The following SHANK2 variants were observed in gnomAD, a reference collection of about 807,000 sequenced individuals.
The protein encoded by SHANK2 is SH3 and multiple ankyrin repeat domains protein 2.
In SHANK2, 43 loss-of-function variants were observed where a neutral mutation model predicts 133.7. The observed-to-expected ratio is 0.32, with a 90% CI of 0.25 to 0.41. The LOEUF (loss-of-function observed/expected upper bound fraction) is 0.41. Ranked by LOEUF, SHANK2 falls within the 10% of genes least tolerant of loss-of-function variation. SHANK2 has a pLI of 1.00. For missense variants in SHANK2, 1,994 were observed against 2,235.8 expected, an observed-to-expected ratio of 0.89 and a Z score of 2.18; for synonymous variants, 1,017 against 952.8, an observed-to-expected ratio of 1.07 and a Z score of -1.24.
In SHANK2 at chr11:70,915,203, C is replaced by T. The variant is rs145905318; in HGVS notation, c.1108-18636G>A. Among the ~76,000 whole-genome samples, 1,237 of 152,264 alleles carry T rather than the reference C, an allele frequency of 8.1e-3. 5 individuals are homozygous for T. Among genetic ancestry groups the T allele is most frequent in the Middle Eastern group, 0.027 (8 of 294 alleles). On this transcript the variant is annotated intron_variant, in intron 10 of 25. Coordinates refer to ENST00000601538, the MANE Select transcript of SHANK2 (RefSeq NM_012309.5). ...AAAATACGGATGCCTTCTTTAAACA[C>T]AGACGTTGGGCCCTCGGAGACACTT...
intron 11 of SHANK2, among the ~76,000 whole-genome samples, chr11:70,845,490 G>A (rs920199885): frequency 6.6e-6 from 1 of 152,114 alleles, no homozygotes; most frequent in Non-Finnish European, 1.5e-5. Context: ...CCAATGGAAT[G>A]TGCTTATTGG....
At position 70,738,333 on chromosome 11, in the gene SHANK2, C is replaced by G. The variant is rs1265997995; in HGVS notation, c.1778-39570G>C. Among the ~76,000 whole-genome samples, 5 of 152,258 alleles carry G rather than the reference C, an allele frequency of 3.3e-5. No individual in the cohort carries two copies. In the East Asian group the frequency reaches 9.6e-4, roughly 29 times the overall value. On this transcript the variant is annotated intron_variant, in intron 14 of 25. Transcript: ENST00000601538. Reference sequence around the variant, plus strand: ...TGCAGGGAAAGGCGCTCCCCTCTGTCTTCTGTGCACCAACCCCAACCATAA... The same window carrying G: ...TGCAGGGAAAGGCGCTCCCCTCTGTGTTCTGTGCACCAACCCCAACCATAA...
At chr11:71,059,342 G>A (rs1174428470) in intron 9 of SHANK2, among the ~76,000 whole-genome samples, 1 of 152,216 alleles carries the variant, frequency 6.6e-6, no homozygotes, top group Admixed American at 6.5e-5. Flanking sequence ...AAGGTTGACG[G>A]TTGTGATGGT....
At chr11:70,636,276 T>C (rs1429012427) in intron 17 of SHANK2, among the ~76,000 whole-genome samples, 2 of 152,176 alleles carry the variant, frequency 1.3e-5, no homozygotes, top group Non-Finnish European at 2.9e-5. Flanking sequence ...CATGCATGTG[T>C]GTGTACATGT....
chr11:70,739,980 C>T lies in SHANK2; in HGVS notation c.1778-41217G>A, dbSNP rs116616280. ...GCTTGGCTCCTTCGCCATCAGGAGACCTTGGACAGTCACACGACCCAGACC... is the reference window on the plus strand; with the variant it reads ...GCTTGGCTCCTTCGCCATCAGGAGATCTTGGACAGTCACACGACCCAGACC... On this transcript the variant is annotated intron_variant, in intron 14 of 25. Coordinates refer to ENST00000601538, the MANE Select transcript of SHANK2 (RefSeq NM_012309.5). The surrounding 1 kb of genome is among the most constrained non-coding windows in gnomAD (Gnocchi z 4.3). Among the ~76,000 whole-genome samples the T allele has an allele frequency of 6.6e-6, 1 of 152,242 alleles. No individual in the cohort carries two copies. Among genetic ancestry groups the T allele is most frequent in the Non-Finnish European group, 1.5e-5 (1 of 68,054 alleles).
At chr11:70,945,881 C>T (rs1251791969) in intron 10 of SHANK2, among the ~76,000 whole-genome samples, 2 of 152,186 alleles carry the variant, frequency 1.3e-5, no homozygotes, top group Admixed American at 6.5e-5. Context: ...TGGGAATGAA[C>T]GTGACCTCAA....
chr11:70,501,465 C>T (rs1461517144), intron 20 of SHANK2, among the ~76,000 whole-genome samples: 1 of 152,236 alleles, frequency 6.6e-6, no homozygotes, highest in Non-Finnish European at 1.5e-5. Context: ...CCCATGTAAG[C>T]TGCCTTCACC....
chr11:70,612,695 T>C (rs1463694086), intron 17 of SHANK2, among the ~76,000 whole-genome samples: 2 of 152,242 alleles, frequency 1.3e-5, no homozygotes, highest in Non-Finnish European at 2.9e-5. Flanking sequence ...GCGCGTGCAA[T>C]TCCCGCGCTC....
At chr11:71,060,507 C>T (rs1290292153) in intron 9 of SHANK2, among the ~76,000 whole-genome samples, 5 of 152,364 alleles carry the variant, frequency 3.3e-5, no homozygotes, top group African/African-American at 4.8e-5. Flanking sequence ...GTCCCTGGAA[C>T]GTGTCCTCAG....
At chr11:70,678,532 C>CATT (rs1491534302) in intron 15 of SHANK2, among the ~76,000 whole-genome samples, 11 of 77,042 alleles carry the variant, frequency 1.4e-4, no homozygotes, top group African/African-American at 5.4e-4. Context: ...TAAGAACAGG[C>CATT]TTTTTTTTTT....
intron 2 of SHANK2, among the ~76,000 whole-genome samples, chr11:71,220,719 G>A (rs550399154): frequency 1.5e-4 from 23 of 152,306 alleles, no homozygotes; most frequent in African/African-American, 5.1e-4. Flanking sequence ...TTCCTAGAGT[G>A]GGGAAATCCA....
At chr11:71,223,929 C>T (rs1440768171) in intron 2 of SHANK2, among the ~76,000 whole-genome samples, 1 of 152,118 alleles carries the variant, frequency 6.6e-6, no homozygotes, top group Admixed American at 6.5e-5. Flanking sequence ...AAATTGCCCA[C>T]AGGGCTCTGG....
At chr11:71,151,137 C>T (rs1266534136) in intron 2 of SHANK2, among the ~76,000 whole-genome samples, 1 of 152,152 alleles carries the variant, frequency 6.6e-6, no homozygotes, top group Non-Finnish European at 1.5e-5. Flanking sequence ...TGAGGCTCAC[C>T]CTGCACTCAG....
intron 17 of SHANK2, among the ~76,000 whole-genome samples, chr11:70,648,798 G>A (rs922326499): frequency 5.3e-5 from 8 of 152,186 alleles, no homozygotes; most frequent in Non-Finnish European, 5.9e-5. Context: ...CAAGACGGAA[G>A]TTCTATCCTG....
chr11:71,098,756 C>G (rs1393701984), intron 6 of SHANK2, among the ~76,000 whole-genome samples: 2 of 152,180 alleles, frequency 1.3e-5, no homozygotes, highest in East Asian at 1.9e-4. Context: ...AGGGGCCGAT[C>G]TTGCAATGCA....
intron 14 of SHANK2, among the ~76,000 whole-genome samples, chr11:70,744,864 C>T (rs782390727): frequency 2.8e-4 from 42 of 152,310 alleles, no homozygotes; most frequent in Non-Finnish European, 5.3e-4. Context: ...ACCTCTTGAG[C>T]GATAAGCACT....
In SHANK2 at chr11:70,486,495, C is replaced by T. The variant is rs1163675067; in HGVS notation, c.3798G>A (p.Arg1266=). The change falls in exon 25 of 26, where the codon AGG becomes AGA. Residue 1266 remains arginine (R), a synonymous_variant. Coordinates refer to ENST00000601538, the MANE Select transcript of SHANK2 (RefSeq NM_012309.5). The surrounding 1 kb of genome is among the most constrained non-coding windows in gnomAD (Gnocchi z 8.0). ...SLDAGFPTVT[R]QNTRGPLRRQ... ...GCCTCAGGGGTCCCCGGGTGTTCTG[C>T]CTGGTGACCGTAGGGAAGCCGGCAT... 2 of 1,614,110 alleles carry T rather than the reference C, an allele frequency of 1.2e-6. No individual in the cohort carries two copies. Among genetic ancestry groups the T allele is most frequent in the East Asian group, 2.2e-5 (1 of 44,866 alleles).
intron 11 of SHANK2, among the ~76,000 whole-genome samples, chr11:70,886,812 C>T (rs1949753886): frequency 6.6e-6 from 1 of 152,130 alleles, no homozygotes. Context: ...TACAGGCACC[C>T]GGTCTTGAAA....
chr11:70,520,933 G>C (rs114819562), intron 17 of SHANK2, among the ~76,000 whole-genome samples: 2 of 152,154 alleles, frequency 1.3e-5, no homozygotes, highest in Non-Finnish European at 2.9e-5. Flanking sequence ...CTTCCTTTCC[G>C]GTTCTACAGG....
Sources: gnomAD v4.1 joint callset for allele counts (sites outside exome capture counted in the v4.1 genomes callset) on GRCh38, gnomAD v4.1.1 for gene constraint, Gnocchi (gnomAD v3.1) non-coding constraint, MANE v1.5 for transcripts, NCBI Gene and HGNC (gene_info 2026-07-23, HGNC 2026-07-21) for gene names.